The following SNX21 variants were observed in gnomAD, a reference collection of about 807,000 sequenced individuals.
SNX21 encodes the protein sorting nexin-21.
In SNX21, 36 loss-of-function variants were observed where a neutral mutation model predicts 30.9. The ratio of observed to expected loss-of-function variants is 1.16; its 90% CI spans 0.89 to 1.54. The LOEUF (loss-of-function observed/expected upper bound fraction) is 1.54, where lower values mean the gene tolerates loss of function less well. SNX21 is among the 40% of genes most tolerant of loss of function. The pLI is 0.00. For synonymous variants in SNX21, 218 were observed against 222.7 expected (o/e 0.98, Z 0.19); for missense variants, 508 against 516.5 (o/e 0.98, Z 0.16).
At position 45,843,201 on chromosome 20, in the gene SNX21, T is replaced by A. The variant is rs1367502042; in HGVS notation, c.*1888T>A. ...ATACCACTGCTGTAATGTAACCCTC[T>A]TTGTTTAGATGAGGAAACTGAGGTT... is the stretch of plus-strand genomic sequence containing the variant. On this transcript the variant is annotated 3_prime_UTR_variant, in exon 4 of 4. Coordinates refer to ENST00000491381, the MANE Select transcript of SNX21 (RefSeq NM_033421.4). 1.2e-5 allele frequency: 6 copies of A among 492,038 alleles called. No homozygotes were observed. The highest frequency in any genetic ancestry group is 2.1e-5 in the Non-Finnish European group (6 of 281,256). The allele number at this position is 492,038 out of a possible 1,614,324, so 30.5% of individuals were successfully genotyped here.
chr20:45,842,088 G>A lies in SNX21; in HGVS notation c.*775G>A, dbSNP rs183138136. On this transcript the variant is annotated 3_prime_UTR_variant, in exon 4 of 4. Coordinates refer to ENST00000491381, the MANE Select transcript of SNX21 (RefSeq NM_033421.4). ...GCGCCTGGGTTCAAGGGATCCTCCC[G>A]CCTCAGCCTCCTGAGCAGCTGGGAT... 80 of 1,537,572 alleles carry A rather than the reference G, an allele frequency of 5.2e-5. No homozygotes were observed. The highest frequency in any genetic ancestry group is 2.9e-4 in the East Asian group (12 of 40,902).
At chr20:45,834,689 A>T in intron 2 of SNX21, 1 of 678,380 alleles carries the variant, frequency 1.5e-6, no homozygotes. Flanking sequence ...CTCTCATCTC[A>T]GAATTGCTGC....
Position 45,841,222 on chromosome 20 carries a change from A to G in SNX21, c.1031A>G (p.Glu344Gly). The G allele has an allele frequency of 6.2e-7, 1 of 1,613,760 alleles. No individual in the cohort carries two copies. Among genetic ancestry groups the G allele is most frequent in the South Asian group, 1.1e-5 (1 of 91,040 alleles). ...WRLGLDKRQSEARLQALQEAG... is the reference protein window; with the variant it reads ...WRLGLDKRQSGARLQALQEAG... ...CTGGGCCTGGACAAACGTCAATCAGAGGCTCGGCTCCAAGCCCTGCAGGAG... is the reference window on the plus strand; with the variant it reads ...CTGGGCCTGGACAAACGTCAATCAGGGGCTCGGCTCCAAGCCCTGCAGGAG... Residue 344 changes from glutamate to glycine, a missense_variant, in exon 4 of 4, where the codon GAG (glutamate) becomes GGG (glycine). Glu to Gly is a moderately conservative substitution (Grantham distance 98). Transcript: ENST00000491381.
rs139958852 is a variant in SNX21, at chr20:45,840,502, G to A, written c.448-137G>A. The A allele has an allele frequency of 8.3e-3, 13,416 of 1,613,484 alleles. 78 individuals carry two copies. The highest frequency in any genetic ancestry group is 0.012 in the Middle Eastern group (71 of 6,062). On this transcript the variant is annotated intron_variant, in intron 3 of 3. Coordinates refer to ENST00000491381, the MANE Select transcript of SNX21 (RefSeq NM_033421.4). ...TCCCCGCCACTGCGCAGCAGCTCCC[G>A]CCCTCCTGGGTGCTGTCCCAGGGGT...
rs1029933306 is a variant in SNX21, at chr20:45,835,942, G to A, written c.447+826G>A. Among the ~76,000 whole-genome samples the A allele has an allele frequency of 5.0e-4, 76 of 151,948 alleles. 2 individuals carry two copies. Among genetic ancestry groups the A allele is most frequent in the African/African-American group, 1.7e-3 (69 of 41,404 alleles). On this transcript the variant is annotated intron_variant, in intron 3 of 3. Transcript: ENST00000491381. ...GGTCTGCTCCTTTAATGCCCACAGC[G>A]ACTCCTGCTCCAGTCCCTTTTCAGG...
intron 3 of SNX21, 51 bp downstream of exon 3, chr20:45,835,167 G>A (rs2145736499): frequency 1.3e-6 from 2 of 1,548,876 alleles, no homozygotes; most frequent in South Asian, 1.2e-5. Flanking sequence ...GTATGGCTAG[G>A]AGCAAGTAGG....
At position 45,842,107 on chromosome 20, in the gene SNX21, C is replaced by T; in HGVS notation, c.*794C>T. The T allele has an allele frequency of 1.3e-6, 2 of 1,535,552 alleles. No individual in the cohort carries two copies. The highest frequency in any genetic ancestry group is 1.7e-6 in the Non-Finnish European group (2 of 1,146,582). ...CCTCCCGCCTCAGCCTCCTGAGCAG[C>T]TGGGATTACAGGCGCACATCACCAT... On this transcript the variant is annotated 3_prime_UTR_variant, in exon 4 of 4. Transcript: ENST00000491381.
intron 3 of SNX21, among the ~76,000 whole-genome samples, chr20:45,836,914 T>C (rs1909717331): frequency 6.6e-6 from 1 of 152,210 alleles, no homozygotes; most frequent in Non-Finnish European, 1.5e-5. Flanking sequence ...GCACAGGCTT[T>C]GGAATCAGAT....
At chr20:45,835,138 C>T (rs773937091) in intron 3 of SNX21, 22 bp downstream of exon 3, 1 of 1,596,916 alleles carries the variant, frequency 6.3e-7, no homozygotes, top group Non-Finnish European at 8.6e-7. Flanking sequence ...TCTAGAACCC[C>T]TGGGCTGTGA....
rs540898085 is a variant in SNX21, at chr20:45,840,822, C to A, written c.631C>A (p.Arg211Ser). ...RRNFTAETIARRSRAFEQFLG... is the reference protein window; with the variant it reads ...RRNFTAETIASRSRAFEQFLG... Reference sequence around the variant, plus strand: ...GAATTTTACTGCAGAGACCATTGCCCGCCGTAGCCGGGCCTTTGAGCAGTT... The same window carrying A: ...GAATTTTACTGCAGAGACCATTGCCAGCCGTAGCCGGGCCTTTGAGCAGTT... The change falls in exon 4 of 4, where the codon CGC becomes AGC. Residue 211 changes from arginine to serine, a missense_variant. By Grantham distance (110) the Arg-to-Ser change is moderately radical. Coordinates refer to ENST00000491381, the MANE Select transcript of SNX21 (RefSeq NM_033421.4). 6.2e-7 allele frequency: 1 copy of A among 1,613,972 alleles called. No homozygotes were observed. The highest frequency in any genetic ancestry group is 2.2e-5 in the East Asian group (1 of 44,886).
intron 3 of SNX21, 80 bp downstream of exon 3, chr20:45,835,196 A>T (rs1328355692): frequency 1.4e-6 from 2 of 1,448,608 alleles, no homozygotes; most frequent in African/African-American, 1.4e-5. Context: ...CAACTTCCTG[A>T]GGGGTCTATG....
intron 3 of SNX21, among the ~76,000 whole-genome samples, chr20:45,839,323 G>A (rs983026222): frequency 6.6e-6 from 1 of 152,076 alleles, no homozygotes; most frequent in Non-Finnish European, 1.5e-5. Flanking sequence ...AGACCATCCT[G>A]GCTAACACAG....
rs141643903 is a variant in SNX21, at chr20:45,841,879, C to T, written c.*566C>T. Reference sequence around the variant, plus strand: ...GAGACCTGGGGCTTCACTCGGATCACGCCCTCCTGGGCACAGGTCACAGCT... The same window carrying T: ...GAGACCTGGGGCTTCACTCGGATCATGCCCTCCTGGGCACAGGTCACAGCT... On this transcript the variant is annotated 3_prime_UTR_variant, in exon 4 of 4. Coordinates refer to ENST00000491381, the MANE Select transcript of SNX21 (RefSeq NM_033421.4). 855 of 1,610,094 alleles carry T rather than the reference C, an allele frequency of 5.3e-4. 2 individuals carry two copies. The highest frequency in any genetic ancestry group is 4.8e-4 in the Non-Finnish European group (571 of 1,179,014).
At position 45,841,756 on chromosome 20, in the gene SNX21, C is replaced by A; in HGVS notation, c.*443C>A. 6.8e-7 allele frequency: 1 copy of A among 1,470,026 alleles called. No individual in the cohort carries two copies. The highest frequency in any genetic ancestry group is 8.9e-7 in the Non-Finnish European group (1 of 1,118,252). The allele number at this position is 1,470,026 out of a possible 1,614,324, so 91.1% of individuals were successfully genotyped here. A position where few individuals can be genotyped will look rare whatever the true frequency, so the allele number is the denominator to read the frequency against. The stretch of plus-strand genomic sequence containing the variant: ...TCAGTCTCTTTATTGGATGTGAGGG[C>A]CAAAAGGGACTGTAACTCCTGTCTC... On this transcript the variant is annotated 3_prime_UTR_variant, in exon 4 of 4. Transcript: ENST00000491381.
Position 45,842,920 on chromosome 20 carries a change from A to G in SNX21, c.*1607A>G. ...TCATTTGAAATGTACTCCCTTGGAA[A>G]GGAGGTCAGGGTTCTGAAGCTAGAC... is the stretch of plus-strand genomic sequence containing the variant. On this transcript the variant is annotated 3_prime_UTR_variant, in exon 4 of 4. Coordinates refer to ENST00000491381, the MANE Select transcript of SNX21 (RefSeq NM_033421.4). The G allele has an allele frequency of 2.0e-6, 2 of 1,006,222 alleles. No individual in the cohort carries two copies. Among genetic ancestry groups the G allele is most frequent in the South Asian group, 4.1e-5 (1 of 24,122 alleles). 62.3% of individuals were successfully genotyped at this position (1,006,222 alleles called of 1,614,324 possible).
At position 45,841,161 on chromosome 20, in the gene SNX21, C is replaced by A. The variant is rs1984075478; in HGVS notation, c.970C>A (p.Pro324Thr). The A allele has an allele frequency of 1.2e-6, 2 of 1,613,772 alleles. No homozygotes were observed. Among genetic ancestry groups the A allele is most frequent in the Non-Finnish European group, 8.5e-7 (1 of 1,179,948 alleles). ...GDKSLHPLLA[P>T]FLEAHVRLSW... ...CAAGAGCCTCCACCCTTTGCTGGCA[C>A]CCTTTCTGGAGGCCCATGTCCGGCT... Residue 324 changes from proline (P) to threonine (T), a missense_variant, in exon 4 of 4, where the codon CCC becomes ACC. Pro to Thr is a conservative substitution (Grantham distance 38). Transcript: ENST00000491381.
At chr20:45,839,147 C>G (rs1379420445) in intron 3 of SNX21, among the ~76,000 whole-genome samples, 1 of 152,158 alleles carries the variant, frequency 6.6e-6, no homozygotes, top group Non-Finnish European at 1.5e-5. Context: ...CCTGCCTCAG[C>G]CTCCCAAAGT....
intron 3 of SNX21, 68 bp downstream of exon 3, chr20:45,835,184 C>A: frequency 6.6e-7 from 1 of 1,510,064 alleles, no homozygotes; most frequent in East Asian, 2.4e-5. Context: ...TAGGGAAGAC[C>A]CCAACTTCCT....
rs1453975416 is a variant in SNX21 at position 45,834,081 on chromosome 20, G to C, written c.22-120G>C. The C allele has an allele frequency of 4.3e-6, 6 of 1,397,770 alleles. No individual in the cohort carries two copies. The East Asian group carries it at 1.3e-4, about 31-fold the overall frequency. The allele number at this position is 1,397,770 out of a possible 1,614,324, so 86.6% of individuals were successfully genotyped here. A position where few individuals can be genotyped will look rare whatever the true frequency, so the allele number is the denominator to read the frequency against. On this transcript the variant is annotated intron_variant, in intron 1 of 3. Coordinates refer to ENST00000491381, the MANE Select transcript of SNX21 (RefSeq NM_033421.4). The stretch of plus-strand genomic sequence containing the variant: ...GGTTCGCAAGACCTCGGACTGCCAG[G>C]GGGTGGGGCCTCACCGCGCCCCTCC...
Sources: gnomAD v4.1 joint callset for allele counts (sites outside exome capture counted in the v4.1 genomes callset) on GRCh38, gnomAD v4.1.1 for gene constraint, MANE v1.5 for transcripts, NCBI Gene and HGNC (gene_info 2026-07-23, HGNC 2026-07-21) for gene names.